The following NRG1 variants were observed in gnomAD, a reference collection of about 807,000 sequenced individuals.
NRG1 encodes the protein neuregulin 1, also known as pro-neuregulin-1, membrane-bound isoform.
In NRG1, 18 loss-of-function variants were observed where a neutral mutation model predicts 63.8. That is an observed-to-expected ratio of 0.28 (90% CI 0.19 to 0.42). The LOEUF is 0.42. Ranked by LOEUF, NRG1 falls within the 10% of genes least tolerant of loss-of-function variation. The probability of loss-of-function intolerance (pLI) is 1.00; values close to 1 mark genes in which losing one functional copy is unlikely to be tolerated. For missense variants in NRG1, 762 were observed against 814.7 expected, an observed-to-expected ratio of 0.94 and a Z score of 0.79; for synonymous variants, 302 against 301.3, an observed-to-expected ratio of 1.00 and a Z score of -0.02.
At chr8:31,642,236 A>G (rs1803867200) in intron 1 of NRG1, among the ~76,000 whole-genome samples, 1 of 152,342 alleles carries the variant, frequency 6.6e-6, no homozygotes, top group African/African-American at 2.4e-5. Flanking sequence ...CTGTTACAGA[A>G]TCTGAAACAA....
At chr8:32,423,040 C>T (rs1316598928) in intron 1 of NRG1, among the ~76,000 whole-genome samples, 2 of 152,178 alleles carry the variant, frequency 1.3e-5, no homozygotes, top group African/African-American at 2.4e-5. Flanking sequence ...CAACTGCACT[C>T]CCCATGAAAG....
At chr8:32,261,910 C>G (rs1850420980) in intron 1 of NRG1, among the ~76,000 whole-genome samples, 1 of 152,078 alleles carries the variant, frequency 6.6e-6, no homozygotes, top group South Asian at 2.1e-4. Context: ...GGGATTCATG[C>G]CCCCAGGCTT....
intron 1 of NRG1, among the ~76,000 whole-genome samples, chr8:32,541,016 T>C (rs1832524765): frequency 6.6e-6 from 1 of 152,172 alleles, no homozygotes; most frequent in African/African-American, 2.4e-5. Flanking sequence ...TGAAATTCTT[T>C]TCCCAAATGA....
At chr8:31,850,607 T>G (rs1350578131) in intron 1 of NRG1, among the ~76,000 whole-genome samples, 1 of 152,204 alleles carries the variant, frequency 6.6e-6, no homozygotes, top group East Asian at 1.9e-4. Context: ...CCTGCTCACT[T>G]GCTTTCTGGC....
chr8:32,266,980 C>A (rs532602266), intron 1 of NRG1, among the ~76,000 whole-genome samples: 8 of 151,402 alleles, frequency 5.3e-5, no homozygotes, highest in Non-Finnish European at 1.2e-4. Flanking sequence ...ACCTGGGAGG[C>A]GGAGGTGGCA....
intron 1 of NRG1, among the ~76,000 whole-genome samples, chr8:32,126,533 A>G (rs1228269293): frequency 2.0e-5 from 3 of 151,858 alleles, no homozygotes; most frequent in Admixed American, 6.6e-5. Flanking sequence ...AAATGCCAGT[A>G]CTTTCCACAA....
intron 3 of NRG1, among the ~76,000 whole-genome samples, chr8:32,611,475 A>T (rs1846349660): frequency 6.6e-6 from 1 of 152,070 alleles, no homozygotes; most frequent in South Asian, 2.1e-4. Flanking sequence ...ATATTGTATT[A>T]TGTAGGATGC....
At chr8:31,670,660 C>T (rs1247162010) in intron 1 of NRG1, among the ~76,000 whole-genome samples, 1 of 151,800 alleles carries the variant, frequency 6.6e-6, no homozygotes, top group Non-Finnish European at 1.5e-5. Context: ...AAGATTGGCT[C>T]CCATTACATT....
intron 5 of NRG1, among the ~76,000 whole-genome samples, chr8:32,713,291 A>G (rs904811870): frequency 2.6e-5 from 4 of 152,292 alleles, no homozygotes; most frequent in Middle Eastern, 3.4e-3. Context: ...CTGTTGACCC[A>G]AGAAATGTGG....
chr8:31,919,424 G>C (rs1280267117), intron 1 of NRG1, among the ~76,000 whole-genome samples: 1 of 147,872 alleles, frequency 6.8e-6, no homozygotes, highest in Non-Finnish European at 1.5e-5. Flanking sequence ...ATTTAGCATT[G>C]AAATATTAAA....
intron 1 of NRG1, among the ~76,000 whole-genome samples, chr8:32,576,850 C>T (rs887253445): frequency 1.3e-5 from 2 of 152,054 alleles, no homozygotes; most frequent in East Asian, 1.9e-4. Context: ...ATTCAACCTA[C>T]GTATGCAAGT....
chr8:31,973,841 G>A (rs1807705026), intron 1 of NRG1, among the ~76,000 whole-genome samples: 2 of 152,136 alleles, frequency 1.3e-5, no homozygotes, highest in Admixed American at 1.3e-4. Flanking sequence ...TCATTAAGAT[G>A]CCCAGCATTT....
intron 1 of NRG1, among the ~76,000 whole-genome samples, chr8:31,703,568 G>C (rs1043590901): frequency 6.6e-6 from 1 of 152,130 alleles, no homozygotes; most frequent in Non-Finnish European, 1.5e-5. Context: ...CATTTAAAAT[G>C]AGTTACAAAT....
At chr8:31,958,018 C>G (rs1804737561) in intron 1 of NRG1, among the ~76,000 whole-genome samples, 1 of 150,092 alleles carries the variant, frequency 6.7e-6, no homozygotes, top group Non-Finnish European at 1.5e-5. Context: ...CAGTTTAATA[C>G]CTATGTGCAA....
At chr8:31,845,851 A>G (rs1228829037) in intron 1 of NRG1, among the ~76,000 whole-genome samples, 2 of 152,214 alleles carry the variant, frequency 1.3e-5, no homozygotes, top group Non-Finnish European at 2.9e-5. Context: ...AATGGATTTT[A>G]TAGGCAACAA....
chr8:31,673,566 G>T (rs965071390), intron 1 of NRG1, among the ~76,000 whole-genome samples: 2 of 152,090 alleles, frequency 1.3e-5, no homozygotes, highest in African/African-American at 2.4e-5. Context: ...CTTAGGTCTG[G>T]GTAGAGGCAG....
At chr8:31,657,789 A>G (rs1056973215) in intron 1 of NRG1, among the ~76,000 whole-genome samples, 2 of 152,232 alleles carry the variant, frequency 1.3e-5, no homozygotes, top group African/African-American at 4.8e-5. Flanking sequence ...CTGAGATTCA[A>G]AAAGGTTTAC....
At chr8:32,067,032 C>T (rs1389584777) in intron 1 of NRG1, among the ~76,000 whole-genome samples, 1 of 152,070 alleles carries the variant, frequency 6.6e-6, no homozygotes, top group South Asian at 2.1e-4. Flanking sequence ...TTTTGCTCAT[C>T]GATTTTGTAT....
At chr8:32,649,502 G>A (rs1313352567) in intron 5 of NRG1, among the ~76,000 whole-genome samples, 1 of 152,158 alleles carries the variant, frequency 6.6e-6, no homozygotes, top group Non-Finnish European at 1.5e-5. Flanking sequence ...TTGCATGAAA[G>A]CTCTTAGGGT....
Sources: allele counts gnomAD v4.1 joint callset (sites outside exome capture counted in the v4.1 genomes callset), GRCh38; gene constraint gnomAD v4.1.1; transcripts MANE v1.5; gene names NCBI Gene and HGNC (gene_info 2026-07-23, HGNC 2026-07-21).